ANKRD6: variants seen among roughly 807,000 people sequenced by gnomAD.
The protein encoded by ANKRD6 is ankyrin repeat domain 6.
Under a neutral mutation model 82.3 loss-of-function variants are expected in ANKRD6, and 56 were observed. The ratio of observed to expected loss-of-function variants is 0.68; its 90% confidence interval spans 0.55 to 0.85. The LOEUF (loss-of-function observed/expected upper bound fraction) is 0.85. ANKRD6 is among the 40% of genes least tolerant of loss of function. The probability of loss-of-function intolerance (pLI) is 0.00; values close to 1 mark genes in which losing one functional copy is unlikely to be tolerated. For synonymous variants in ANKRD6, 347 were observed against 352.1 expected, an observed-to-expected ratio of 0.99 and a Z score of 0.16; for missense variants, 852 against 907.6, an observed-to-expected ratio of 0.94 and a Z score of 0.79.
At chr6:89,490,893 T>TA (rs1245717743) in intron 1 of ANKRD6, among the ~76,000 whole-genome samples, 8 of 152,040 alleles carry the variant, frequency 5.3e-5, no homozygotes, top group Non-Finnish European at 8.8e-5. Context: ...TCCCTTATTT[T>TA]AAAAAAAGGT....
chr6:89,505,368 C>T lies in ANKRD6; in HGVS notation c.-143-61466C>T, dbSNP rs370860331. On this transcript the variant is annotated intron_variant, in intron 1 of 15. Transcript: ENST00000339746. ...ATAAGTAAGGGATCAGCATAGGAAA[C>T]AGCAACTCCTCTAGGCATTTTAAGC... 7.9e-5 allele frequency among the ~76,000 whole-genome samples: 12 copies of T among 152,200 alleles called. No individual in the cohort carries two copies. The East Asian group carries it at 1.7e-3, about 22-fold the overall frequency.
intron 5 of ANKRD6, among the ~76,000 whole-genome samples, chr6:89,610,807 A>G (rs1028694720): frequency 1.3e-5 from 2 of 151,888 alleles, no homozygotes; most frequent in Non-Finnish European, 2.9e-5. Context: ...AAAACTTAAA[A>G]AAAAAAAAAA....
Position 89,621,993 on chromosome 6 carries a change from G to A in ANKRD6, c.864G>A (p.Gln288=), listed in dbSNP as rs372813986. 5.3e-4 allele frequency: 860 copies of A among 1,612,786 alleles called. No homozygotes were observed. The highest frequency in any genetic ancestry group is 6.3e-4 in the Non-Finnish European group (744 of 1,179,898). Residue 288 remains glutamine, a synonymous_variant, in exon 10 of 16, where the codon CAG becomes CAA. Coordinates refer to ENST00000339746, the MANE Select transcript of ANKRD6 (RefSeq NM_001242809.2). ...GGCTCAAGGAAGAGAGGAGAGCCCA[G>A]TCTGTGCCAAGAGATGAGGTGGCCC... ...RERLKEERRA[Q]SVPRDEVAQS...
chr6:89,536,309 G>A (rs1248312572), intron 1 of ANKRD6, among the ~76,000 whole-genome samples: 1 of 152,222 alleles, frequency 6.6e-6, no homozygotes, highest in Non-Finnish European at 1.5e-5. Context: ...CTCTTGCTGG[G>A]TCCACACATG....
chr6:89,485,448 G>T (rs1420170149), intron 1 of ANKRD6, among the ~76,000 whole-genome samples: 1 of 152,104 alleles, frequency 6.6e-6, no homozygotes. Context: ...TGGGTTTTTT[G>T]GTTGGCTTTG....
Position 89,505,035 on chromosome 6 carries a change from C to G in ANKRD6, c.-143-61799C>G, listed in dbSNP as rs560253051. On this transcript the variant is annotated intron_variant, in intron 1 of 15. Coordinates refer to ENST00000339746, the MANE Select transcript of ANKRD6 (RefSeq NM_001242809.2). ...TGTGTGGCTGATTGGCCCATTATGT[C>G]AATTTCAGATTAGCTTTTATGGTTT... 3.3e-5 allele frequency: 5 copies of G among 152,324 alleles called. No individual in the cohort carries two copies. The South Asian group carries it at 8.3e-4, about 25-fold the overall frequency. 9.4% of individuals were successfully genotyped at this position (152,324 alleles called of 1,614,324 possible).
chr6:89,588,999 A>AAAG (rs1438511007), intron 2 of ANKRD6, among the ~76,000 whole-genome samples: 108 of 148,634 alleles, frequency 7.3e-4, no homozygotes, highest in African/African-American at 2.5e-3. Flanking sequence ...TGTCTCAAAA[A>AAAG]AAAAAAAAAA....
At chr6:89,499,891 A>G (rs1779074924) in intron 1 of ANKRD6, among the ~76,000 whole-genome samples, 1 of 152,014 alleles carries the variant, frequency 6.6e-6, no homozygotes, top group African/African-American at 2.4e-5. Context: ...AGCATTCCAA[A>G]CAGAAGACAA....
intron 1 of ANKRD6, among the ~76,000 whole-genome samples, chr6:89,525,564 C>T (rs965456895): frequency 7.9e-5 from 12 of 152,190 alleles, no homozygotes; most frequent in Non-Finnish European, 1.3e-4. Context: ...AAGAGATAGC[C>T]TCTGGCATGG....
intron 2 of ANKRD6, among the ~76,000 whole-genome samples, chr6:89,591,130 G>A (rs1475472694): frequency 2.0e-5 from 3 of 152,074 alleles, no homozygotes; most frequent in African/African-American, 7.2e-5. Flanking sequence ...TAAGGAGAAG[G>A]TCTTATTCTG....
At chr6:89,446,207 C>T (rs994793209) in intron 1 of ANKRD6, among the ~76,000 whole-genome samples, 1 of 151,918 alleles carries the variant, frequency 6.6e-6, no homozygotes, top group Admixed American at 6.6e-5. Context: ...ACAAAATTAA[C>T]TGGGCATGCT....
intron 5 of ANKRD6, among the ~76,000 whole-genome samples, chr6:89,607,456 G>A (rs1308070666): frequency 6.6e-6 from 1 of 152,056 alleles, no homozygotes; most frequent in Non-Finnish European, 1.5e-5. Flanking sequence ...ATCACAAAGA[G>A]ATATAAGATC....
chr6:89,536,821 C>A (rs569773122), intron 1 of ANKRD6, among the ~76,000 whole-genome samples: 1 of 152,204 alleles, frequency 6.6e-6, no homozygotes, highest in Non-Finnish European at 1.5e-5. Flanking sequence ...CTTTTACCTT[C>A]ATGTACTCAT....
chr6:89,489,327 C>T (rs1777756914), intron 1 of ANKRD6, among the ~76,000 whole-genome samples: 2 of 152,162 alleles, frequency 1.3e-5, no homozygotes, highest in Admixed American at 6.5e-5. Flanking sequence ...TGAATCATGT[C>T]TTTGTCTCTG....
chr6:89,612,516 C>A, intron 6 of ANKRD6, 146 bp downstream of exon 6: 2 of 809,330 alleles, frequency 2.5e-6, no homozygotes, highest in Non-Finnish European at 3.7e-6. Context: ...CTTTTTTTGG[C>A]AATTTTCTAA....
At chr6:89,517,141 G>A (rs1205532818) in intron 1 of ANKRD6, among the ~76,000 whole-genome samples, 1 of 152,178 alleles carries the variant, frequency 6.6e-6, no homozygotes, top group Admixed American at 6.5e-5. Context: ...AAGTGCTTGT[G>A]TTACAGGCGT....
intron 1 of ANKRD6, among the ~76,000 whole-genome samples, chr6:89,445,475 T>TCTC (rs1048395683): frequency 9.4e-5 from 14 of 149,668 alleles, no homozygotes; most frequent in African/African-American, 3.5e-4. Context: ...TGACATGGAG[T>TCTC]CTCCCTCTGT....
At chr6:89,502,040 T>C (rs575027612) in intron 1 of ANKRD6, among the ~76,000 whole-genome samples, 1 of 152,328 alleles carries the variant, frequency 6.6e-6, no homozygotes, top group South Asian at 2.1e-4. Context: ...CCTCCCATAT[T>C]CTTATTGTTA....
At chr6:89,617,722 T>C (rs1196172831) in intron 8 of ANKRD6, among the ~76,000 whole-genome samples, 5 of 152,242 alleles carry the variant, frequency 3.3e-5, no homozygotes, top group Admixed American at 6.5e-5. Context: ...CCTTGCCCTC[T>C]GGTGTCATAT....
Sources: allele counts gnomAD v4.1 joint callset (sites outside exome capture counted in the v4.1 genomes callset), GRCh38; gene constraint gnomAD v4.1.1; transcripts MANE v1.5; gene names NCBI Gene and HGNC (gene_info 2026-07-23, HGNC 2026-07-21).